Variants in SENP6 observed in about 807,000 individuals in gnomAD.
SENP6 encodes SUMO specific peptidase 6.
SENP6 carries 41 observed loss-of-function variants against 134.5 expected under a neutral mutation model. That is an observed-to-expected ratio of 0.30 (90% CI 0.24 to 0.40). The LOEUF (loss-of-function observed/expected upper bound fraction) is 0.40, where lower values mean the gene tolerates loss of function less well. SENP6 is among the 10% of genes least tolerant of loss of function. SENP6 has a pLI of 1.00. For missense variants in SENP6, 1,248 were observed against 1,312.5 expected, an observed-to-expected ratio of 0.95 and a Z score of 0.76; for synonymous variants, 395 against 429.8, an observed-to-expected ratio of 0.92 and a Z score of 1.00.
intron 8 of SENP6, 80 bp downstream of exon 8, chr6:75,659,487 G>A (rs1345173099): frequency 7.5e-7 from 1 of 1,331,810 alleles, no homozygotes; most frequent in Non-Finnish European, 1.0e-6. Flanking sequence ...TAAATTCTAG[G>A]TGATCTTTTA....
At chr6:75,689,213 G>T (rs1056998876) in intron 16 of SENP6, among the ~76,000 whole-genome samples, 1 of 152,100 alleles carries the variant, frequency 6.6e-6, no homozygotes, top group African/African-American at 2.4e-5. Flanking sequence ...CAACCTGGGT[G>T]ACAGAGCAAG....
At chr6:75,667,689 T>C (rs1297403302) in intron 10 of SENP6, among the ~76,000 whole-genome samples, 1 of 152,218 alleles carries the variant, frequency 6.6e-6, no homozygotes, top group East Asian at 1.9e-4. Flanking sequence ...TTAAAAAATT[T>C]TTAATGTGTA....
At chr6:75,665,103 G>A (rs1240180394) in intron 9 of SENP6, among the ~76,000 whole-genome samples, 7 of 152,044 alleles carry the variant, frequency 4.6e-5, no homozygotes, top group African/African-American at 1.2e-4. Context: ...TGGTTAACAC[G>A]GTGAAACCCC....
chr6:75,626,330 C>T (rs1768689637), intron 3 of SENP6, among the ~76,000 whole-genome samples: 1 of 150,374 alleles, frequency 6.7e-6, no homozygotes, highest in Non-Finnish European at 1.5e-5. Context: ...AATTATGTGG[C>T]TTAGCTTTTT....
Position 75,620,042 on chromosome 6 carries a change from A to G in SENP6, c.53-1490A>G, listed in dbSNP as rs1248624470. Among the ~76,000 whole-genome samples the G allele has an allele frequency of 4.7e-5, 7 of 149,488 alleles. No individual in the cohort carries two copies. In the Admixed American group the frequency reaches 4.8e-4, roughly 10 times the overall value. On this transcript the variant is annotated intron_variant, in intron 1 of 23. Coordinates refer to ENST00000447266, the MANE Select transcript of SENP6 (RefSeq NM_015571.4). ...CAAGAAGTCAAGGCTGCAGTGAGCC[A>G]TGATGGCACCACTGCACTCCAGCTT...
At chr6:75,701,875 G>T (rs2149899215) in intron 18 of SENP6, among the ~76,000 whole-genome samples, 1 of 152,008 alleles carries the variant, frequency 6.6e-6, no homozygotes, top group African/African-American at 2.4e-5. Flanking sequence ...CCTGAACTCA[G>T]GCAATCCACC....
chr6:75,619,872 G>A (rs1768134459), intron 1 of SENP6, among the ~76,000 whole-genome samples: 1 of 152,046 alleles, frequency 6.6e-6, no homozygotes, highest in African/African-American at 2.4e-5. Context: ...AGGGAGGATG[G>A]ATTGAGGCTG....
At chr6:75,680,349 T>C (rs1418639337) in intron 16 of SENP6, among the ~76,000 whole-genome samples, 1 of 152,136 alleles carries the variant, frequency 6.6e-6, no homozygotes, top group Non-Finnish European at 1.5e-5. Flanking sequence ...CAATAAGCAG[T>C]TGAGCAAATG....
chr6:75,703,120 G>A (rs1250397062), intron 19 of SENP6, 48 bp downstream of exon 19: 3 of 1,409,344 alleles, frequency 2.1e-6, no homozygotes, highest in African/African-American at 2.9e-5. Context: ...AGAATAATCT[G>A]GATTTTTTAA....
At position 75,670,713 on chromosome 6, in the gene SENP6, C is replaced by T. The variant is rs746560442; in HGVS notation, c.1385C>T (p.Pro462Leu). 1 of 1,602,126 alleles carries T rather than the reference C, an allele frequency of 6.2e-7. No individual in the cohort carries two copies. The highest frequency in any genetic ancestry group is 8.5e-7 in the Non-Finnish European group (1 of 1,172,646). ...VGTLFRLLIE[P>L]VIFCLDFIKI... ...ACACTCTTCCGGCTGTTAATAGAGC[C>T]TGTAATTGTAAGTACATCTTAAGCT... is the stretch of plus-strand genomic sequence containing the variant. Residue 462 changes from proline to leucine, a missense_variant, in exon 11 of 24, where the codon CCT becomes CTT. Coordinates refer to ENST00000447266, the MANE Select transcript of SENP6 (RefSeq NM_015571.4).
chr6:75,678,761 G>GTATA, intron 15 of SENP6, 50 bp from the exon 16 acceptor site: 1 of 1,341,474 alleles, frequency 7.5e-7, no homozygotes, highest in Admixed American at 1.8e-5. Context: ...TTTCAGTTGT[G>GTATA]TATATATATA....
chr6:75,602,765 C>A (rs1385185721), intron 1 of SENP6, among the ~76,000 whole-genome samples, 189 bp downstream of exon 1: 1 of 152,068 alleles, frequency 6.6e-6, no homozygotes, highest in African/African-American at 2.4e-5. Context: ...GCGAGGGGCT[C>A]GGCTGCGAGC....
At chr6:75,668,420 A>G (rs2149871267) in intron 10 of SENP6, among the ~76,000 whole-genome samples, 1 of 152,344 alleles carries the variant, frequency 6.6e-6, no homozygotes, top group Non-Finnish European at 1.5e-5. Flanking sequence ...GGTCCTTTAT[A>G]TATTTTTAAT....
chr6:75,613,770 C>G (rs1283180852), intron 1 of SENP6, among the ~76,000 whole-genome samples: 2 of 151,732 alleles, frequency 1.3e-5, no homozygotes, highest in African/African-American at 4.8e-5. Flanking sequence ...TATACATTCT[C>G]TTAAGTTACT....
intron 1 of SENP6, among the ~76,000 whole-genome samples, chr6:75,613,254 A>C (rs1720685758): frequency 6.6e-6 from 1 of 152,244 alleles, no homozygotes; most frequent in African/African-American, 2.4e-5. Context: ...GTTTCATGAC[A>C]CATGAAAATT....
intron 1 of SENP6, among the ~76,000 whole-genome samples, chr6:75,617,439 A>G (rs1032221690): frequency 6.6e-6 from 1 of 151,072 alleles, no homozygotes; most frequent in African/African-American, 2.4e-5. Flanking sequence ...ACACCGGCTA[A>G]TTTTGTATTT....
intron 5 of SENP6, among the ~76,000 whole-genome samples, chr6:75,638,104 C>A: frequency 6.6e-6 from 1 of 152,004 alleles, no homozygotes; most frequent in East Asian, 1.9e-4. Context: ...TCAAATAGTC[C>A]ACCCACCTTG....
chr6:75,692,693 T>C (rs1411253699), intron 16 of SENP6, among the ~76,000 whole-genome samples: 1 of 151,938 alleles, frequency 6.6e-6, no homozygotes, highest in Non-Finnish European at 1.5e-5. Flanking sequence ...CTTCCCAGGC[T>C]AGTGCCTGAG....
intron 16 of SENP6, among the ~76,000 whole-genome samples, chr6:75,683,195 A>G (rs1773586278): frequency 1.3e-5 from 2 of 151,982 alleles, no homozygotes; most frequent in Non-Finnish European, 1.5e-5. Flanking sequence ...TGTTCGCTGT[A>G]TAGATGTCTT....
Sources: gnomAD v4.1 joint callset for allele counts (sites outside exome capture counted in the v4.1 genomes callset) on GRCh38, gnomAD v4.1.1 for gene constraint, MANE v1.5 for transcripts, NCBI Gene and HGNC (gene_info 2026-07-23, HGNC 2026-07-21) for gene names.